The following SGCG variants were observed in gnomAD, a reference collection of about 807,000 sequenced individuals.
SGCG encodes the protein sarcoglycan gamma.
SGCG carries 26 observed loss-of-function variants against 29.3 expected under a neutral mutation model. That is an observed-to-expected ratio of 0.89 (90% CI 0.65 to 1.23). The LOEUF is 1.23. Among genes scored for constraint, SGCG ranks in the 50% most tolerant of loss-of-function variants. SGCG has a pLI of 0.00. For missense variants in SGCG, 353 were observed against 356.0 expected (o/e 0.99, Z 0.07); for synonymous variants, 145 against 129.7 (o/e 1.12, Z -0.80).
intron 6 of SGCG, among the ~76,000 whole-genome samples, chr13:23,299,446 A>T (rs1156316755): frequency 0.24 from 1,763 of 7,286 alleles, 187 homozygotes; most frequent in East Asian, 0.48. Flanking sequence ...ATATATATAT[A>T]TATATATATA....
At position 23,322,764 on chromosome 13, in the gene SGCG, A is replaced by ACCCCCCCCCCCCCCCC. The variant is rs1883089987; in HGVS notation, c.703-1604_703-1603insCCCCCCCCCCCCCCCC. 1.7e-4 allele frequency among the ~76,000 whole-genome samples: 2 copies of ACCCCCCCCCCCCCCCC among 11,702 alleles called. 1 individual carries two copies. Among genetic ancestry groups the ACCCCCCCCCCCCCCCC allele is most frequent in the Non-Finnish European group, 3.5e-4 (2 of 5,684 alleles). The allele number at this position is 11,702 out of a possible 152,430, so 7.7% of individuals were successfully genotyped here. A position where few individuals can be genotyped will look rare whatever the true frequency, so the allele number is the denominator to read the frequency against. ...GCGATGCACAGACCGCCCCCCACCCATCCACCTCCCCCCCCCCCCCCCCCC... is the reference window on the plus strand; with the variant it reads ...GCGATGCACAGACCGCCCCCCACCCACCCCCCCCCCCCCCCCTCCACCTCCCCCCCCCCCCCCCCCC... On this transcript the variant is annotated intron_variant, in intron 7 of 7. Coordinates refer to ENST00000218867, the MANE Select transcript of SGCG (RefSeq NM_000231.3).
At position 23,299,407 on chromosome 13, in the gene SGCG, C is replaced by CATGT. The variant is rs1161342960; in HGVS notation, c.578+3922_578+3923insGTAT. Among the ~76,000 whole-genome samples, 40 of 23,922 alleles carry CATGT rather than the reference C, an allele frequency of 1.7e-3. 1 individual carries two copies. The East Asian group carries it at 0.036, about 22-fold the overall frequency. The allele number at this position is 23,922 out of a possible 152,430, so 15.7% of individuals were successfully genotyped here. A position where few individuals can be genotyped will look rare whatever the true frequency, so the allele number is the denominator to read the frequency against. On this transcript the variant is annotated intron_variant, in intron 6 of 7. Coordinates refer to ENST00000218867, the MANE Select transcript of SGCG (RefSeq NM_000231.3). Reference sequence around the variant, plus strand: ...AAAGATTCTGGAATATCTTAGTTGGCATATATATATATATATATATATATA... The same window carrying CATGT: ...AAAGATTCTGGAATATCTTAGTTGGCATGTATATATATATATATATATATATATA...
At chr13:23,258,338 G>T (rs530320225) in intron 4 of SGCG, among the ~76,000 whole-genome samples, 1 of 152,026 alleles carries the variant, frequency 6.6e-6, no homozygotes, top group South Asian at 2.1e-4. Flanking sequence ...TCATGATTTG[G>T]CTCTCTGTTT....
rs139839030 is a variant in SGCG at position 23,235,377 on chromosome 13, CAAAAAAAA to C, written c.297+670_297+677del. Among the ~76,000 whole-genome samples the C allele has an allele frequency of 5.2e-4, 71 of 136,212 alleles. No homozygotes were observed. The East Asian group carries it at 0.015, about 28-fold the overall frequency. The allele number at this position is 136,212 out of a possible 152,430, so 89.4% of individuals were successfully genotyped here. Reference sequence around the variant, plus strand: ...TCCATCTCAAAAAAAGAAGAAAAAACAAAAAAAAAAAAGAAAGAAATTTGTTTCATTGT... The same window carrying C: ...TCCATCTCAAAAAAAGAAGAAAAAACAAAAGAAAGAAATTTGTTTCATTGT... On this transcript the variant is annotated intron_variant, in intron 3 of 7. Coordinates refer to ENST00000218867, the MANE Select transcript of SGCG (RefSeq NM_000231.3).
intron 4 of SGCG, among the ~76,000 whole-genome samples, chr13:23,269,882 T>TG (rs1555242097): frequency 1.0e-5 from 1 of 97,766 alleles, no homozygotes; most frequent in Non-Finnish European, 2.6e-5. Flanking sequence ...TTGTTTTTTT[T>TG]GTTTTTTTTT....
At chr13:23,187,574 C>A (rs549320503) in intron 1 of SGCG, among the ~76,000 whole-genome samples, 331 of 152,294 alleles carry the variant, frequency 2.2e-3, no homozygotes, top group Non-Finnish European at 3.8e-3. Flanking sequence ...CCAAATGTGG[C>A]CCGTTTCCTC....
At chr13:23,163,971 G>A in the SGCG span, among the ~76,000 whole-genome samples, 9 of 152,242 alleles carry the variant, frequency 5.9e-5, no homozygotes, top group South Asian at 8.3e-4. Flanking sequence ...TAAAGGCATG[G>A]TGATGCACAG....
At chr13:23,282,828 A>G (rs1041241454) in intron 5 of SGCG, among the ~76,000 whole-genome samples, 4 of 152,178 alleles carry the variant, frequency 2.6e-5, no homozygotes, top group Non-Finnish European at 5.9e-5. Context: ...TGTCCTGTGC[A>G]TTGCAGGACA....
Position 23,193,342 on chromosome 13 carries a change from C to T in SGCG, c.1-10353C>T, listed in dbSNP as rs1213546409. ...TGACTTTAAACAGGGCAGCAATGGT[C>T]CTCTTGTTGGGTGCCATGTGGAGAT... On this transcript the variant is annotated intron_variant, in intron 1 of 7. Transcript: ENST00000218867. Among the ~76,000 whole-genome samples, 12 of 152,236 alleles carry T rather than the reference C, an allele frequency of 7.9e-5. 5 individuals carry two copies. Among genetic ancestry groups the T allele is most frequent in the Admixed American group, 7.2e-4 (11 of 15,304 alleles).
At chr13:23,274,132 G>T (rs1177980308) in intron 4 of SGCG, among the ~76,000 whole-genome samples, 1 of 152,068 alleles carries the variant, frequency 6.6e-6, no homozygotes, top group Non-Finnish European at 1.5e-5. Context: ...TAACGCTTTT[G>T]ACTTGAATTC....
chr13:23,213,636 A>C (rs181471204), intron 2 of SGCG, among the ~76,000 whole-genome samples: 1 of 152,376 alleles, frequency 6.6e-6, no homozygotes, highest in Non-Finnish European at 1.5e-5. Flanking sequence ...CACACTTTAC[A>C]AATATATTTT....
intron 4 of SGCG, among the ~76,000 whole-genome samples, chr13:23,267,268 C>T (rs1420804399): frequency 6.6e-6 from 1 of 152,168 alleles, no homozygotes; most frequent in African/African-American, 2.4e-5. Flanking sequence ...GCCTGATGCA[C>T]GAACAGAATC....
chr13:23,274,663 C>T (rs1881003131), intron 4 of SGCG, among the ~76,000 whole-genome samples: 1 of 152,086 alleles, frequency 6.6e-6, no homozygotes, highest in Non-Finnish European at 1.5e-5. Context: ...ACCTCGTGAT[C>T]CACCGGCCTC....
intron 1 of SGCG, among the ~76,000 whole-genome samples, chr13:23,191,250 T>C (rs1877235525): frequency 6.6e-6 from 1 of 151,236 alleles, no homozygotes; most frequent in African/African-American, 2.5e-5. Flanking sequence ...TTGGAAGTCT[T>C]ATTTTCAGAA....
At chr13:23,320,534 A>G (rs1274547408) in intron 6 of SGCG, 103 bp from the exon 7 acceptor site, 13 of 952,348 alleles carry the variant, frequency 1.4e-5, no homozygotes, top group Non-Finnish European at 1.9e-5. Context: ...GAAGACTTAC[A>G]TATCTTACTA....
At chr13:23,195,989 T>C (rs887074435) in intron 1 of SGCG, among the ~76,000 whole-genome samples, 1 of 151,978 alleles carries the variant, frequency 6.6e-6, no homozygotes, top group African/African-American at 2.4e-5. Context: ...AAAAGGTGGA[T>C]TATAGGAGGA....
intron 1 of SGCG, among the ~76,000 whole-genome samples, chr13:23,188,340 T>C (rs1426813872): frequency 9.4e-6 from 1 of 106,928 alleles, no homozygotes; most frequent in Non-Finnish European, 1.9e-5. Flanking sequence ...TTTTTTTTTT[T>C]TTGAGATAAG....
intron 5 of SGCG, among the ~76,000 whole-genome samples, chr13:23,288,638 C>T (rs1421894648): frequency 1.3e-5 from 2 of 152,172 alleles, no homozygotes; most frequent in African/African-American, 4.8e-5. Flanking sequence ...TCTTCCTCCC[C>T]CACAAAATTA....
At position 23,279,466 on chromosome 13, in the gene SGCG, CTT is replaced by C; in HGVS notation, c.494_495del (p.Leu165ProfsTer6). 5 of 1,613,088 alleles carry C rather than the reference CTT, an allele frequency of 3.1e-6. No individual in the cohort carries two copies. Among genetic ancestry groups the C allele is most frequent in the Non-Finnish European group, 4.2e-6 (5 of 1,179,340 alleles). ...EKEVVVGTDK[L>X]RVTGPEGALF... Reference sequence around the variant, plus strand: ...GGAAGTTGTGGTTGGTACAGATAAACTTCGAGTAACTGGTATGTACTAACTCG... The same window carrying C: ...GGAAGTTGTGGTTGGTACAGATAAACCGAGTAACTGGTATGTACTAACTCG... On this transcript the variant is annotated frameshift_variant, in exon 5 of 8. Transcript: ENST00000218867. LOFTEE classifies it high-confidence loss of function.
Sources: gnomAD v4.1 joint callset for allele counts (sites outside exome capture counted in the v4.1 genomes callset) on GRCh38, gnomAD v4.1.1 for gene constraint, MANE v1.5 for transcripts, NCBI Gene and HGNC (gene_info 2026-07-23, HGNC 2026-07-21) for gene names.